Variants in MPPED2 observed in about 807,000 individuals in gnomAD.
MPPED2 encodes metallophosphoesterase domain containing 2.
Under a neutral mutation model 33.0 loss-of-function variants are expected in MPPED2, and 5 were observed. The observed-to-expected ratio is 0.15, with a 90% CI of 0.08 to 0.32. The LOEUF (loss-of-function observed/expected upper bound fraction) is 0.32. Ranked by LOEUF, MPPED2 falls within the 10% of genes least tolerant of loss-of-function variation. MPPED2 has a pLI of 1.00. For missense variants in MPPED2, 275 were observed against 372.1 expected (o/e 0.74, Z 2.15); for synonymous variants, 136 against 141.9 (o/e 0.96, Z 0.29).
chr11:30,426,003 AC>A (rs1948822012), intron 4 of MPPED2, among the ~76,000 whole-genome samples: 1 of 152,180 alleles, frequency 6.6e-6, no homozygotes, highest in African/African-American at 2.4e-5. Flanking sequence ...CATTTTAACC[AC>A]TTTTAAGCTA....
At chr11:30,462,322 G>A (rs543137415) in intron 4 of MPPED2, among the ~76,000 whole-genome samples, 65 of 152,188 alleles carry the variant, frequency 4.3e-4, no homozygotes, top group Admixed American at 4.3e-3. Flanking sequence ...GCCCCAGTAT[G>A]AACTCATTTG....
intron 2 of MPPED2, among the ~76,000 whole-genome samples, chr11:30,547,220 C>T (rs1378748503): frequency 6.6e-6 from 1 of 152,210 alleles, no homozygotes; most frequent in Non-Finnish European, 1.5e-5. Context: ...CTACCATCTA[C>T]TGTGTTGTGC....
intron 2 of MPPED2, among the ~76,000 whole-genome samples, chr11:30,578,479 T>A (rs1348664491): frequency 6.6e-6 from 1 of 152,190 alleles, no homozygotes; most frequent in Non-Finnish European, 1.5e-5. Context: ...TTGTTATGGC[T>A]AGATAAAAGC....
chr11:30,581,392 T>C (rs751350355), intron 1 of MPPED2, among the ~76,000 whole-genome samples: 3 of 152,318 alleles, frequency 2.0e-5, no homozygotes, highest in South Asian at 2.1e-4. Context: ...GAAATGAAGA[T>C]GTCTATTTTT....
intron 2 of MPPED2, among the ~76,000 whole-genome samples, chr11:30,564,357 CA>C (rs1956354680): frequency 6.6e-6 from 1 of 152,114 alleles, no homozygotes; most frequent in African/African-American, 2.4e-5. Flanking sequence ...ACGATAACAC[CA>C]AATGAAACAC....
chr11:30,569,333 G>A (rs1956592549), intron 2 of MPPED2, among the ~76,000 whole-genome samples: 1 of 152,154 alleles, frequency 6.6e-6, no homozygotes, highest in Admixed American at 6.5e-5. Flanking sequence ...GCCTTTACAT[G>A]TATTTTACAT....
intron 2 of MPPED2, among the ~76,000 whole-genome samples, chr11:30,576,008 T>A (rs1048830141): frequency 4.6e-5 from 7 of 152,308 alleles, no homozygotes; most frequent in Admixed American, 3.3e-4. Flanking sequence ...TCAAATGAAT[T>A]GGCAGTTTAA....
downstream of MPPED2, among the ~76,000 whole-genome samples, chr11:30,407,536 A>T (rs556460838): frequency 2.6e-3 from 393 of 152,302 alleles, 2 homozygotes; most frequent in African/African-American, 7.8e-3. Context: ...TCTCAGAAAC[A>T]ATACCGCTGC....
At chr11:30,508,133 T>C (rs141565858) in intron 3 of MPPED2, among the ~76,000 whole-genome samples, 54 of 152,326 alleles carry the variant, frequency 3.5e-4, no homozygotes, top group African/African-American at 1.3e-3. Flanking sequence ...CTTAAATAAT[T>C]TGAATTAAGT....
intron 6 of MPPED2, among the ~76,000 whole-genome samples, chr11:30,412,366 G>A (rs1419892136): frequency 1.3e-5 from 2 of 151,762 alleles, no homozygotes; most frequent in African/African-American, 4.8e-5. Flanking sequence ...ATGATAAAAT[G>A]TTTAGCATGT....
chr11:30,417,658 T>C (rs767302358), intron 4 of MPPED2, 25 bp from the exon 5 acceptor site: 1 of 1,402,284 alleles, frequency 7.1e-7, no homozygotes, highest in South Asian at 1.2e-5. Context: ...ATGCACATGG[T>C]ATCAGGCCAG....
intron 4 of MPPED2, among the ~76,000 whole-genome samples, chr11:30,442,462 A>G (rs1450008556): frequency 6.6e-6 from 1 of 152,234 alleles, no homozygotes; most frequent in Non-Finnish European, 1.5e-5. Flanking sequence ...AGATCCAACC[A>G]TATCAAGGTC....
At chr11:30,489,047 TTC>T (rs145982925) in intron 4 of MPPED2, among the ~76,000 whole-genome samples, 8,097 of 58,358 alleles carry the variant, frequency 0.14, 333 homozygotes, top group Non-Finnish European at 0.19. Context: ...CTTCTTCTTC[TTC>T]TCCTTTTTTT....
chr11:30,559,449 T>G (rs1956138134), intron 2 of MPPED2, among the ~76,000 whole-genome samples: 2 of 152,218 alleles, frequency 1.3e-5, no homozygotes, highest in African/African-American at 4.8e-5. Flanking sequence ...AGTATTTTGC[T>G]TTGTGGAAAT....
chr11:30,460,989 C>T (rs921884174), intron 4 of MPPED2, among the ~76,000 whole-genome samples: 11 of 152,236 alleles, frequency 7.2e-5, no homozygotes, highest in Non-Finnish European at 7.4e-5. Flanking sequence ...TGTCCATTGA[C>T]GAATGGATAA....
chr11:30,403,322 C>T (rs1387162075), intron 6 of MPPED2, among the ~76,000 whole-genome samples: 2 of 151,642 alleles, frequency 1.3e-5, no homozygotes, highest in African/African-American at 4.8e-5. Flanking sequence ...TTCGCTGGTA[C>T]TCAGAAATAT....
chr11:30,549,114 C>T (rs528956734), intron 2 of MPPED2, among the ~76,000 whole-genome samples: 1 of 152,294 alleles, frequency 6.6e-6, no homozygotes, highest in East Asian at 1.9e-4. Flanking sequence ...CTTTATACAA[C>T]ATACTTTAAC....
At chr11:30,451,388 G>GC (rs1029031215) in intron 4 of MPPED2, among the ~76,000 whole-genome samples, 2 of 152,148 alleles carry the variant, frequency 1.3e-5, no homozygotes, top group Non-Finnish European at 1.5e-5. Context: ...TGCTAACCTG[G>GC]CCCCCCTGCA....
At chr11:30,464,268 A>AACAC (rs10660237) in intron 4 of MPPED2, among the ~76,000 whole-genome samples, 10,200 of 145,912 alleles carry the variant, frequency 0.07, 555 homozygotes, top group East Asian at 0.23. Context: ...AAAGGATACT[A>AACAC]ACACACACAC....
Sources: gnomAD v4.1 joint callset for allele counts (sites outside exome capture counted in the v4.1 genomes callset) on GRCh38, gnomAD v4.1.1 for gene constraint, MANE v1.5 for transcripts, NCBI Gene and HGNC (gene_info 2026-07-23, HGNC 2026-07-21) for gene names.